AAR2: variants seen among roughly 807,000 people sequenced by gnomAD.
AAR2 encodes protein AAR2 homolog.
AAR2 carries 31 observed loss-of-function variants against 26.9 expected under a neutral mutation model. The observed-to-expected ratio is 1.15, with a 90% CI of 0.86 to 1.55. The LOEUF is 1.55. Among genes scored for constraint, AAR2 ranks in the 40% most tolerant of loss-of-function variants. The pLI, the probability that AAR2 is intolerant of heterozygous loss-of-function variation, is 0.00. For synonymous variants in AAR2, 188 were observed against 196.1 expected (o/e 0.96, Z 0.34); for missense variants, 430 against 491.3 (o/e 0.88, Z 1.18).
chr20:36,242,364 TTTGTTGTTGTTGTTG>T (rs78763281), intron 2 of AAR2, among the ~76,000 whole-genome samples: 90 of 145,270 alleles, frequency 6.2e-4, no homozygotes, highest in Non-Finnish European at 8.3e-4. Flanking sequence ...AGGTACATCT[TTTGTTGTTGTTGTTG>T]TTGTTGTTGT....
rs868483427 is a variant in AAR2 at position 36,245,753 on chromosome 20, G to T, written c.987+827G>T. Among the ~76,000 whole-genome samples the T allele has an allele frequency of 2.0e-5, 3 of 152,340 alleles. No homozygotes were observed. The South Asian group carries it at 6.2e-4, about 32-fold the overall frequency. The stretch of plus-strand genomic sequence containing the variant: ...TTAAATATTGGGGCTGGGCGTGGTG[G>T]TTCATGACTGTAATCCCAACACTTT... On this transcript the variant is annotated intron_variant, in intron 3 of 3. Coordinates refer to ENST00000320849, the MANE Select transcript of AAR2 (RefSeq NM_001271874.2).
intron 1 of AAR2, among the ~76,000 whole-genome samples, chr20:36,239,279 A>C (rs1016954143): frequency 1.3e-5 from 2 of 152,210 alleles, no homozygotes; most frequent in Admixed American, 6.5e-5. Flanking sequence ...TTAGATGCTG[A>C]GCCTCCACTT....
intron 2 of AAR2, 62 bp downstream of exon 2, chr20:36,240,687 G>A (rs709050): frequency 0.22 from 340,311 of 1,541,682 alleles, 43,098 homozygotes; most frequent in African/African-American, 0.58. Flanking sequence ...GAGGTGTTTT[G>A]GAATAGGGAG....
chr20:36,240,465 G>A lies in AAR2; in HGVS notation c.597G>A (p.Lys199=). The change falls in exon 2 of 4, where the codon AAG becomes AAA. Residue 199 remains lysine, a synonymous_variant. Transcript: ENST00000320849. ...GCCTGGCCCGGCTACCAGAGATGAAGCCCAGAGCCGGGACAGAGATCCGCT... is the reference window on the plus strand; with the variant it reads ...GCCTGGCCCGGCTACCAGAGATGAAACCCAGAGCCGGGACAGAGATCCGCT... ...QEGLARLPEM[K]PRAGTEIRFS... is the part of the protein sequence containing the mutation. 1 of 1,614,180 alleles carries A rather than the reference G, an allele frequency of 6.2e-7. No homozygotes were observed. The highest frequency in any genetic ancestry group is 8.5e-7 in the Non-Finnish European group (1 of 1,180,038).
chr20:36,253,598 C>A (rs992540892), intron 3 of AAR2, among the ~76,000 whole-genome samples: 4 of 152,064 alleles, frequency 2.6e-5, no homozygotes, highest in African/African-American at 9.7e-5. Context: ...GGACTGGGAT[C>A]CAGGACAATC....
At chr20:36,239,316 TC>T (rs2064650923) in intron 1 of AAR2, among the ~76,000 whole-genome samples, 1 of 152,216 alleles carries the variant, frequency 6.6e-6, no homozygotes, top group African/African-American at 2.4e-5. Context: ...TTCTGGGCCT[TC>T]CCTGAGGCTT....
At chr20:36,253,244 T>C (rs1024531593) in intron 3 of AAR2, among the ~76,000 whole-genome samples, 1 of 152,178 alleles carries the variant, frequency 6.6e-6, no homozygotes, top group Non-Finnish European at 1.5e-5. Flanking sequence ...GTTGCCTTTG[T>C]TGGGTCAGGT....
intron 3 of AAR2, among the ~76,000 whole-genome samples, chr20:36,250,066 C>T (rs1176719362): frequency 6.6e-6 from 1 of 152,046 alleles, no homozygotes; most frequent in African/African-American, 2.4e-5. Context: ...TTTGGTCTAG[C>T]TAAAAAAATA....
Position 36,240,476 on chromosome 20 carries a change from G to A in AAR2, c.608G>A (p.Gly203Glu). The A allele has an allele frequency of 6.2e-7, 1 of 1,614,170 alleles. No individual in the cohort carries two copies. Among genetic ancestry groups the A allele is most frequent in the East Asian group, 2.2e-5 (1 of 44,888 alleles). ...CTACCAGAGATGAAGCCCAGAGCCG[G>A]GACAGAGATCCGCTTCTCAGAGCTG... ...ARLPEMKPRA[G>E]TEIRFSELPT... Residue 203 changes from glycine (G) to glutamate (E), a missense_variant, in exon 2 of 4, where the codon GGG becomes GAG. Coordinates refer to ENST00000320849, the MANE Select transcript of AAR2 (RefSeq NM_001271874.2).
intron 3 of AAR2, among the ~76,000 whole-genome samples, chr20:36,248,229 G>C (rs1285542794): frequency 6.6e-6 from 1 of 152,058 alleles, no homozygotes; most frequent in Non-Finnish European, 1.5e-5. Context: ...TATTGCATGA[G>C]ATGTGCTTGC....
chr20:36,237,091 A>G (rs2064615533), intron 1 of AAR2, among the ~76,000 whole-genome samples: 1 of 152,186 alleles, frequency 6.6e-6, no homozygotes, highest in Non-Finnish European at 1.5e-5. Flanking sequence ...GGGAGGGAAG[A>G]GTTTTCTATA....
chr20:36,246,396 G>A lies in AAR2; in HGVS notation c.987+1470G>A, dbSNP rs1007839099. Among the ~76,000 whole-genome samples the A allele has an allele frequency of 2.6e-5, 4 of 152,176 alleles. No homozygotes were observed. In the East Asian group the frequency reaches 7.7e-4, roughly 29 times the overall value. ...AACCATGGCAATGAGTCAGTCAAGC[G>A]CATGATTTGAGCCTGGTCTGTTCCA... On this transcript the variant is annotated intron_variant, in intron 3 of 3. Coordinates refer to ENST00000320849, the MANE Select transcript of AAR2 (RefSeq NM_001271874.2).
At chr20:36,240,729 C>A in intron 2 of AAR2, 104 bp downstream of exon 2, 1 of 1,425,232 alleles carries the variant, frequency 7.0e-7, no homozygotes, top group Non-Finnish European at 9.4e-7. Context: ...AGCAACTAAA[C>A]CTGGCTAGGA....
intron 3 of AAR2, 136 bp downstream of exon 3, chr20:36,245,062 C>G: frequency 1.3e-6 from 1 of 786,434 alleles, no homozygotes; most frequent in Non-Finnish European, 2.0e-6. Flanking sequence ...ATATTTCCTG[C>G]TTTTCTCTCT....
chr20:36,253,065 A>T (rs2064792372), intron 3 of AAR2, among the ~76,000 whole-genome samples: 1 of 151,402 alleles, frequency 6.6e-6, no homozygotes, highest in African/African-American at 2.4e-5. Context: ...TGGATTCTGT[A>T]CCGCCCCCCT....
intron 1 of AAR2, among the ~76,000 whole-genome samples, chr20:36,238,038 C>G (rs1278805384): frequency 2.0e-5 from 3 of 152,024 alleles, no homozygotes; most frequent in African/African-American, 4.8e-5. Context: ...TCCGCCTCGG[C>G]CTCCCAAAGT....
chr20:36,254,269 A>C (rs2064802525), intron 3 of AAR2, among the ~76,000 whole-genome samples: 1 of 152,200 alleles, frequency 6.6e-6, no homozygotes, highest in African/African-American at 2.4e-5. Flanking sequence ...CTTCAAAAGA[A>C]AGGAAATTCT....
chr20:36,241,274 G>A (rs1341220769), intron 2 of AAR2, among the ~76,000 whole-genome samples: 1 of 151,744 alleles, frequency 6.6e-6, no homozygotes, highest in Non-Finnish European at 1.5e-5. Context: ...TTATTTCTAT[G>A]TACTTCCTCT....
chr20:36,247,370 G>C (rs1412149275), intron 3 of AAR2, among the ~76,000 whole-genome samples: 5 of 152,066 alleles, frequency 3.3e-5, no homozygotes, highest in African/African-American at 1.2e-4. Flanking sequence ...ATGCAGCTGT[G>C]ATCCTGCTTC....
Sources: gnomAD v4.1 joint callset for allele counts (sites outside exome capture counted in the v4.1 genomes callset) on GRCh38, gnomAD v4.1.1 for gene constraint, MANE v1.5 for transcripts, NCBI Gene and HGNC (gene_info 2026-07-23, HGNC 2026-07-21) for gene names.